The following PLCL2 variants were observed in gnomAD, a reference collection of about 807,000 sequenced individuals.
PLCL2 encodes inactive phospholipase C-like protein 2.
Under a neutral mutation model 79.6 loss-of-function variants are expected in PLCL2, and 4 were observed. The ratio of observed to expected loss-of-function variants is 0.05; its 90% CI spans 0.02 to 0.11. The LOEUF is 0.11. Among genes scored for constraint, PLCL2 ranks in the 10% least tolerant of loss-of-function variants. PLCL2 has a pLI of 1.00. For synonymous variants in PLCL2, 484 were observed against 457.7 expected, an observed-to-expected ratio of 1.06 and a Z score of -0.73; for missense variants, 895 against 1,291.0, an observed-to-expected ratio of 0.69 and a Z score of 4.70.
intron 1 of PLCL2, among the ~76,000 whole-genome samples, chr3:17,006,394 A>G (rs548112326): frequency 1.3e-5 from 2 of 152,130 alleles, no homozygotes; most frequent in South Asian, 4.1e-4. Context: ...GTGGAAGACC[A>G]TTTCGCCAGC....
At position 16,975,451 on chromosome 3, in the gene PLCL2, A is replaced by G. The variant is rs548240177; in HGVS notation, c.328-34223A>G. On this transcript the variant is annotated intron_variant, in intron 1 of 5. Coordinates refer to ENST00000615277, the MANE Select transcript of PLCL2 (RefSeq NM_001144382.2). ...TAGCAGCTTATTAGGCGCCTTTATT[A>G]TAATAGTTTGGGACCCTTGTGAGGG... Among the ~76,000 whole-genome samples the G allele has an allele frequency of 3.9e-5, 6 of 152,312 alleles. No homozygotes were observed. In the South Asian group the frequency reaches 6.2e-4, roughly 16 times the overall value.
intron 5 of PLCL2, among the ~76,000 whole-genome samples, chr3:17,084,785 T>TA (rs1259152047): frequency 6.6e-6 from 1 of 152,156 alleles, no homozygotes; most frequent in Non-Finnish European, 1.5e-5. Context: ...CTCAACTTGA[T>TA]AAGGAACATC....
At chr3:17,053,788 C>T (rs2064866419) in intron 4 of PLCL2, among the ~76,000 whole-genome samples, 2 of 152,198 alleles carry the variant, frequency 1.3e-5, no homozygotes, top group South Asian at 4.1e-4. Context: ...CTGTACAGAG[C>T]AGCTGGGCCC....
At position 16,954,907 on chromosome 3, in the gene PLCL2, T is replaced by C. The variant is rs184029527; in HGVS notation, c.328-54767T>C. Among the ~76,000 whole-genome samples, 1,118 of 152,330 alleles carry C rather than the reference T, an allele frequency of 7.3e-3. 8 individuals are homozygous for C. Among genetic ancestry groups the C allele is most frequent in the Admixed American group, 0.017 (263 of 15,304 alleles). On this transcript the variant is annotated intron_variant, in intron 1 of 5. Coordinates refer to ENST00000615277, the MANE Select transcript of PLCL2 (RefSeq NM_001144382.2). ...TTTCTTGTAAATTTGTTTGAGTTCATTGTAGATTCTGGATATCAGCCCTTT... is the reference window on the plus strand; with the variant it reads ...TTTCTTGTAAATTTGTTTGAGTTCACTGTAGATTCTGGATATCAGCCCTTT...
chr3:16,937,537 A>G (rs1323282337), intron 1 of PLCL2, among the ~76,000 whole-genome samples: 1 of 152,228 alleles, frequency 6.6e-6, no homozygotes, highest in Non-Finnish European at 1.5e-5. Flanking sequence ...TTCCTAAAAT[A>G]TCCGCCTGCC....
In PLCL2 at chr3:16,995,511, G is replaced by A. The variant is rs2064145164; in HGVS notation, c.328-14163G>A. On this transcript the variant is annotated intron_variant, in intron 1 of 5. Transcript: ENST00000615277. ...TTTTTCTGATCCTTCCCCCAGGCTT[G>A]TGAGCTTCTTCCAACATTGCAGTCT... is the stretch of plus-strand genomic sequence containing the variant. 2.0e-5 allele frequency among the ~76,000 whole-genome samples: 3 copies of A among 152,200 alleles called. No homozygotes were observed. In the South Asian group the frequency reaches 6.2e-4, roughly 31 times the overall value.
intron 3 of PLCL2, among the ~76,000 whole-genome samples, chr3:17,040,545 A>G (rs957261424): frequency 3.3e-4 from 50 of 152,294 alleles, no homozygotes; most frequent in Middle Eastern, 6.8e-3. Flanking sequence ...ATGCTCTGCC[A>G]GGCCTCCTGG....
At chr3:16,896,876 A>C (rs532775050) in intron 1 of PLCL2, among the ~76,000 whole-genome samples, 4 of 152,308 alleles carry the variant, frequency 2.6e-5, no homozygotes, top group East Asian at 1.9e-4. Context: ...AAACATACTA[A>C]TGTGAAGACC....
chr3:17,005,007 C>A (rs1285769883), intron 1 of PLCL2, among the ~76,000 whole-genome samples: 1 of 58,600 alleles, frequency 1.7e-5, no homozygotes, highest in Non-Finnish European at 3.0e-5. Flanking sequence ...ATGCCCACAC[C>A]CTAGCCCCAC....
At chr3:16,979,068 A>G (rs2063954290) in intron 1 of PLCL2, among the ~76,000 whole-genome samples, 1 of 152,166 alleles carries the variant, frequency 6.6e-6, no homozygotes, top group Admixed American at 6.5e-5. Flanking sequence ...TGACTTTTGG[A>G]TGGTAAGCCG....
At chr3:16,925,479 C>T (rs1697225598) in intron 1 of PLCL2, among the ~76,000 whole-genome samples, 1 of 152,090 alleles carries the variant, frequency 6.6e-6, no homozygotes, top group Non-Finnish European at 1.5e-5. Flanking sequence ...AGTTATGCAA[C>T]CATTACCACT....
At chr3:17,048,034 A>G (rs1167374537) in intron 4 of PLCL2, among the ~76,000 whole-genome samples, 2 of 151,932 alleles carry the variant, frequency 1.3e-5, no homozygotes, top group African/African-American at 4.8e-5. Flanking sequence ...GGGGAAAACC[A>G]GCAGAATGTC....
rs549933487 is a variant in PLCL2 at position 17,057,959 on chromosome 3, C to T, written c.3095-9997C>T. ...CAGAAAAACGGGATATGGACCCTCC[C>T]CTAAGAGGGCTCCAGGTCAAGTATT... On this transcript the variant is annotated intron_variant, in intron 4 of 5. Transcript: ENST00000615277. 1.1e-4 allele frequency among the ~76,000 whole-genome samples: 16 copies of T among 152,284 alleles called. No individual in the cohort carries two copies. The South Asian group carries it at 3.1e-3, about 30-fold the overall frequency.
chr3:16,988,594 T>C (rs1261051308), intron 1 of PLCL2, among the ~76,000 whole-genome samples: 1 of 152,114 alleles, frequency 6.6e-6, no homozygotes. Context: ...TTACCACAGG[T>C]TGAAAGAAGC....
intron 4 of PLCL2, among the ~76,000 whole-genome samples, chr3:17,064,627 T>C (rs1374591588): frequency 6.6e-6 from 1 of 151,996 alleles, no homozygotes; most frequent in Non-Finnish European, 1.5e-5. Flanking sequence ...ATACAATCAA[T>C]ATATGCTTCA....
intron 1 of PLCL2, among the ~76,000 whole-genome samples, chr3:16,963,573 A>G (rs1458825447): frequency 6.6e-6 from 1 of 152,144 alleles, no homozygotes; most frequent in African/African-American, 2.4e-5. Flanking sequence ...ATGTTTATTA[A>G]TCATTTTCTC....
intron 1 of PLCL2, among the ~76,000 whole-genome samples, chr3:16,907,729 G>A (rs752927814): frequency 2.0e-5 from 3 of 152,162 alleles, no homozygotes; most frequent in East Asian, 1.9e-4. Flanking sequence ...GTAAAGCACA[G>A]CTTTCAATAA....
At chr3:17,026,191 T>C (rs901378208) in intron 3 of PLCL2, among the ~76,000 whole-genome samples, 20 of 152,326 alleles carry the variant, frequency 1.3e-4, no homozygotes, top group African/African-American at 4.8e-4. Flanking sequence ...TTTAAGCCTT[T>C]TCTAACTTAA....
At chr3:17,082,358 C>T (rs2065171934) in intron 5 of PLCL2, among the ~76,000 whole-genome samples, 1 of 151,816 alleles carries the variant, frequency 6.6e-6, no homozygotes, top group Admixed American at 6.6e-5. Context: ...CCGTGTACTC[C>T]TGACCTGAGG....
Sources: allele counts gnomAD v4.1 joint callset (sites outside exome capture counted in the v4.1 genomes callset), GRCh38; gene constraint gnomAD v4.1.1; transcripts MANE v1.5; gene names NCBI Gene and HGNC (gene_info 2026-07-23, HGNC 2026-07-21).